Variants in MIDEAS observed in about 807,000 individuals in gnomAD.
MIDEAS encodes the protein mitotic deacetylase-associated SANT domain protein.
MIDEAS carries 26 observed loss-of-function variants against 102.7 expected under a neutral mutation model. The observed-to-expected ratio is 0.25, with a 90% CI of 0.19 to 0.35. The LOEUF (loss-of-function observed/expected upper bound fraction) is 0.35. Ranked by LOEUF, MIDEAS falls within the 10% of genes least tolerant of loss-of-function variation. MIDEAS has a pLI of 1.00. For missense variants in MIDEAS, 1,231 were observed against 1,435.6 expected (o/e 0.86, Z 2.30); for synonymous variants, 585 against 591.0 (o/e 0.99, Z 0.15).
At chr14:73,770,834 C>T (rs911212781) in intron 1 of MIDEAS, among the ~76,000 whole-genome samples, 6 of 152,136 alleles carry the variant, frequency 3.9e-5, no homozygotes, top group African/African-American at 1.4e-4. Flanking sequence ...CTGGGGCACA[C>T]ACGTGGTCTC....
chr14:73,738,356 C>T (rs1466624511), intron 2 of MIDEAS, among the ~76,000 whole-genome samples: 1 of 152,194 alleles, frequency 6.6e-6, no homozygotes, highest in Non-Finnish European at 1.5e-5. Flanking sequence ...GAAATAGTAT[C>T]TAATTATTCA....
At chr14:73,736,584 T>C (rs906112114) in intron 3 of MIDEAS, among the ~76,000 whole-genome samples, 12 of 151,390 alleles carry the variant, frequency 7.9e-5, no homozygotes, top group Non-Finnish European at 1.8e-4. Context: ...TGAGCCGAGA[T>C]TGCGCCACTA....
At position 73,721,988 on chromosome 14, in the gene MIDEAS, G is replaced by A. The variant is rs541113819; in HGVS notation, c.2725-479C>T. On this transcript the variant is annotated intron_variant, in intron 10 of 12. Coordinates refer to ENST00000423556, the MANE Select transcript of MIDEAS (RefSeq NM_001367710.1). Reference sequence around the variant, plus strand: ...AAAAATGATGCTAGGTGGATACATGGACATAGGATTAAGTAACCTTCCCTT... The same window carrying A: ...AAAAATGATGCTAGGTGGATACATGAACATAGGATTAAGTAACCTTCCCTT... Among the ~76,000 whole-genome samples the A allele has an allele frequency of 2.0e-4, 30 of 152,304 alleles. 1 individual carries two copies. The South Asian group carries it at 3.7e-3, about 19-fold the overall frequency.
intron 1 of MIDEAS, among the ~76,000 whole-genome samples, chr14:73,783,881 C>T (rs764537606): frequency 2.6e-5 from 4 of 152,122 alleles, no homozygotes; most frequent in Non-Finnish European, 4.4e-5. Flanking sequence ...TGGGGGTGTT[C>T]GGCCTCCTTT....
At chr14:73,788,079 C>A (rs144666838), upstream of MIDEAS, among the ~76,000 whole-genome samples, 8 of 150,870 alleles carry the variant, frequency 5.3e-5, no homozygotes, top group East Asian at 1.2e-3. Context: ...GCAACCAAGT[C>A]GTTAAACAGC....
chr14:73,768,755 A>T (rs2053613730), intron 1 of MIDEAS, among the ~76,000 whole-genome samples: 1 of 152,140 alleles, frequency 6.6e-6, no homozygotes, highest in African/African-American at 2.4e-5. Flanking sequence ...AAAGTTTTGG[A>T]ATTACAGGCG....
chr14:73,750,544 G>A (rs1343000742), intron 1 of MIDEAS, among the ~76,000 whole-genome samples: 1 of 152,246 alleles, frequency 6.6e-6, no homozygotes, highest in Non-Finnish European at 1.5e-5. Flanking sequence ...ATGGGGGACT[G>A]CAGAGGTGAG....
intron 3 of MIDEAS, among the ~76,000 whole-genome samples, chr14:73,733,828 G>C (rs1298295731): frequency 6.6e-6 from 1 of 151,948 alleles, no homozygotes; most frequent in Non-Finnish European, 1.5e-5. Flanking sequence ...CTGAGTAGCT[G>C]GGATTACAGG....
chr14:73,775,877 G>C (rs2053684151), intron 1 of MIDEAS, among the ~76,000 whole-genome samples: 1 of 151,940 alleles, frequency 6.6e-6, no homozygotes, highest in South Asian at 2.1e-4. Context: ...AGGTGATGCT[G>C]ACAGCCCCAG....
rs1334209543 is a variant in MIDEAS, at chr14:73,759,242, GC to G, written c.-248+520del. On this transcript the variant is annotated intron_variant, in intron 1 of 12. Transcript: ENST00000423556. The surrounding 1 kb of genome is among the most constrained non-coding windows in gnomAD (Gnocchi z 6.7). ...CGTCCAGGCCCACTTTCCCGTGCAC[GC>G]TGGCAGGGGAAGGGGCTCCCGCGCC... 6.6e-6 allele frequency among the ~76,000 whole-genome samples: 1 copy of G among 152,190 alleles called. No homozygotes were observed. The highest frequency in any genetic ancestry group is 1.5e-5 in the Non-Finnish European group (1 of 68,008).
At chr14:73,733,790 G>A (rs2053168195) in intron 3 of MIDEAS, among the ~76,000 whole-genome samples, 1 of 151,242 alleles carries the variant, frequency 6.6e-6, no homozygotes, top group South Asian at 2.1e-4. Context: ...CACCTCCCAG[G>A]TTCAAGCGAT....
At chr14:73,721,249 A>G (rs2052984736) in intron 11 of MIDEAS, 48 bp downstream of exon 11, 3 of 1,585,580 alleles carry the variant, frequency 1.9e-6, no homozygotes, top group African/African-American at 2.7e-5. Context: ...CCCCAGGCCC[A>G]GCTCCACCCT....
chr14:73,762,747 AT>A, upstream of MIDEAS, among the ~76,000 whole-genome samples: 1 of 152,314 alleles, frequency 6.6e-6, no homozygotes, highest in African/African-American at 2.4e-5. Flanking sequence ...TTTCAGGGAA[AT>A]GGGGAGGTGT....
chr14:73,725,900 C>T lies in MIDEAS; in HGVS notation c.2485+133G>A. ...CCCAGCTTTGGTGGCAGTTCCCTCACTCTGACTCTTGGCTTATCTACCCTC... is the reference window on the plus strand; with the variant it reads ...CCCAGCTTTGGTGGCAGTTCCCTCATTCTGACTCTTGGCTTATCTACCCTC... On this transcript the variant is annotated intron_variant, in intron 8 of 12. Transcript: ENST00000423556. This position sits in a 1 kb window ranked among gnomAD's most constrained non-coding sequence, Gnocchi z 4.1. The T allele has an allele frequency of 1.3e-6, 1 of 773,366 alleles. No homozygotes were observed. The highest frequency in any genetic ancestry group is 2.1e-6 in the Non-Finnish European group (1 of 466,238). 47.9% of individuals were successfully genotyped at this position (773,366 alleles called of 1,614,324 possible). A position where few individuals can be genotyped will look rare whatever the true frequency, so the allele number is the denominator to read the frequency against.
chr14:73,781,603 G>A (rs1042539316), intron 1 of MIDEAS, among the ~76,000 whole-genome samples: 2 of 151,842 alleles, frequency 1.3e-5, no homozygotes, highest in East Asian at 1.9e-4. Context: ...GTGTGGTGGC[G>A]CATGCCTGTA....
chr14:73,773,599 T>C (rs940279657), intron 1 of MIDEAS, among the ~76,000 whole-genome samples: 2 of 151,948 alleles, frequency 1.3e-5, no homozygotes, highest in East Asian at 3.9e-4. Context: ...GGAAATACCA[T>C]GTGCTTCTAG....
rs754319397 is a variant in MIDEAS, at chr14:73,724,809, T to C, written c.2574+463A>G. 40 of 167,168 alleles carry C rather than the reference T, an allele frequency of 2.4e-4. 1 individual carries two copies. Among genetic ancestry groups the C allele is most frequent in the Non-Finnish European group, 4.7e-4 (35 of 75,182 alleles). 10.4% of individuals were successfully genotyped at this position (167,168 alleles called of 1,614,324 possible). ...GAGGACAAGATAAATCTAGGGAATG[T>C]GGGCTTGAACAGCTGAGTTACTGGA... On this transcript the variant is annotated intron_variant, in intron 9 of 12. Coordinates refer to ENST00000423556, the MANE Select transcript of MIDEAS (RefSeq NM_001367710.1).
chr14:73,776,752 G>C (rs1344433936), intron 1 of MIDEAS, among the ~76,000 whole-genome samples: 1 of 151,916 alleles, frequency 6.6e-6, no homozygotes, highest in Non-Finnish European at 1.5e-5. Context: ...ACTCTGCTGG[G>C]GAGGCTGCAG....
At chr14:73,774,884 G>A (rs180999696) in intron 1 of MIDEAS, among the ~76,000 whole-genome samples, 23 of 152,140 alleles carry the variant, frequency 1.5e-4, no homozygotes, top group African/African-American at 4.3e-4. Flanking sequence ...GGCCCTTCTC[G>A]TTCCTGTCAC....
Sources: allele counts gnomAD v4.1 joint callset (sites outside exome capture counted in the v4.1 genomes callset), GRCh38; gene constraint gnomAD v4.1.1; non-coding constraint Gnocchi (gnomAD v3.1); transcripts MANE v1.5; gene names NCBI Gene and HGNC (gene_info 2026-07-23, HGNC 2026-07-21).